ZBTB4: variants seen among roughly 807,000 people sequenced by gnomAD.
ZBTB4 encodes zinc finger and BTB domain containing 4, also known as zinc finger and BTB domain-containing protein 4.
Under a neutral mutation model 59.8 loss-of-function variants are expected in ZBTB4, and 14 were observed. The observed-to-expected ratio is 0.23, with a 90% CI of 0.15 to 0.37. The LOEUF (loss-of-function observed/expected upper bound fraction) is 0.37. Ranked by LOEUF, ZBTB4 falls within the 10% of genes least tolerant of loss-of-function variation. ZBTB4 has a pLI of 1.00. For missense variants in ZBTB4, 1,198 were observed against 1,380.8 expected (o/e 0.87, Z 2.10); for synonymous variants, 587 against 575.2 (o/e 1.02, Z -0.29).
chr17:7,483,047 G>C, upstream of ZBTB4: 3 of 1,569,300 alleles, frequency 1.9e-6, no homozygotes, highest in East Asian at 2.3e-5. Flanking sequence ...GGGATAAATA[G>C]AGGCAAAGAC....
chr17:7,463,081 T>C lies in ZBTB4; in HGVS notation c.1901A>G (p.Glu634Gly). ...RPGELSGEEM[E>G]ESEEDEEEED... ...CTCCTCTTCGTCCTCCTCACTCTCC[T>C]CCATCTCCTCTCCGCTCAGCTCCCC... The change falls in exon 4 of 4, where the codon GAG becomes GGG. Residue 634 changes from glutamate (E) to glycine (G), a missense_variant. Around this residue, in one of 9 missense-constraint regions of ZBTB4, gnomAD observed 550 missense variants for 541.8 expected, o/e 1.02. Coordinates refer to ENST00000380599, the MANE Select transcript of ZBTB4 (RefSeq NM_001128833.2). 1 of 1,610,924 alleles carries C rather than the reference T, an allele frequency of 6.2e-7. No homozygotes were observed. Among genetic ancestry groups the C allele is most frequent in the Non-Finnish European group, 8.5e-7 (1 of 1,179,418 alleles).
intron 3 of ZBTB4, 133 bp from the exon 4 acceptor site, chr17:7,464,023 G>C: frequency 2.1e-6 from 3 of 1,448,098 alleles, no homozygotes; most frequent in Non-Finnish European, 1.8e-6. Context: ...CCCTCACCAG[G>C]CCAGCCTCAG....
At chr17:7,464,874 C>T (rs1286465619) in intron 3 of ZBTB4, among the ~76,000 whole-genome samples, 1 of 147,576 alleles carries the variant, frequency 6.8e-6, no homozygotes, top group Non-Finnish European at 1.5e-5. Flanking sequence ...AAAAAAAATG[C>T]CGCCGGGCGC....
chr17:7,473,984 T>C (rs754295354), intron 1 of ZBTB4, among the ~76,000 whole-genome samples: 1 of 151,326 alleles, frequency 6.6e-6, no homozygotes, highest in Non-Finnish European at 1.5e-5. Context: ...ATGATCTCTC[T>C]CGGCTCACTG....
upstream of ZBTB4, chr17:7,483,997 C>T (rs2070380657): frequency 6.6e-6 from 1 of 151,758 alleles, no homozygotes; most frequent in African/African-American, 2.4e-5. Context: ...CGCCCCGCCG[C>T]CATTACCGAT....
intron 1 of ZBTB4, among the ~76,000 whole-genome samples, chr17:7,468,690 G>A (rs541569679): frequency 1.1e-3 from 160 of 152,270 alleles, no homozygotes; most frequent in Non-Finnish European, 1.3e-3. Flanking sequence ...TCCGTATGCC[G>A]TGGGCCACGT....
chr17:7,476,395 C>T (rs919945948), intron 1 of ZBTB4, among the ~76,000 whole-genome samples: 1 of 152,186 alleles, frequency 6.6e-6, no homozygotes, highest in African/African-American at 2.4e-5. Context: ...TACCCATAGT[C>T]CCAGCTACTC....
chr17:7,481,901 G>A, upstream of ZBTB4: 1 of 1,510,164 alleles, frequency 6.6e-7, no homozygotes, highest in South Asian at 1.3e-5. Context: ...GTCCCACAGG[G>A]TCCCAGACCC....
At chr17:7,471,183 A>G (rs1023127288) in intron 1 of ZBTB4, among the ~76,000 whole-genome samples, 1 of 136,316 alleles carries the variant, frequency 7.3e-6, no homozygotes, top group Admixed American at 7.2e-5. Flanking sequence ...GCCATTTATG[A>G]AAAAAATTTT....
At chr17:7,482,848 C>G, upstream of ZBTB4, 2 of 1,612,048 alleles carry the variant, frequency 1.2e-6, no homozygotes, top group Non-Finnish European at 1.7e-6. Context: ...TCCTGCATTC[C>G]GAGGTGGTGG....
At position 7,461,732 on chromosome 17, in the gene ZBTB4, TGA is replaced by T. The variant is rs1317802147; in HGVS notation, c.*206_*207del. Reference sequence around the variant, plus strand: ...TGGAGGCCATTCCCTGGAGGAAGACTGAGAGGGGAACCTCGAAAGATCCCTTC... The same window carrying T: ...TGGAGGCCATTCCCTGGAGGAAGACTGAGGGGAACCTCGAAAGATCCCTTC... On this transcript the variant is annotated 3_prime_UTR_variant, in exon 4 of 4. Transcript: ENST00000380599. 1 of 458,110 alleles carries T rather than the reference TGA, an allele frequency of 2.2e-6. No homozygotes were observed. 28.4% of individuals were successfully genotyped at this position (458,110 alleles called of 1,614,324 possible).
rs1400961708 is a variant in ZBTB4, at chr17:7,466,775, G to A, written c.27C>T (p.Asp9=). Reference sequence around the variant, plus strand: ...GCAGGACGGCGGGGGCATGGGACGGGTCCGTCACCTCTGCAGGGGGGGGCA... The same window carrying A: ...GCAGGACGGCGGGGGCATGGGACGGATCCGTCACCTCTGCAGGGGGGGGCA... MPPPAEVT[D]PSHAPAVLRQ... The change falls in exon 3 of 4, where the codon GAC becomes GAT. Residue 9 remains aspartate (D), a synonymous_variant. Coordinates refer to ENST00000380599, the MANE Select transcript of ZBTB4 (RefSeq NM_001128833.2). The surrounding 1 kb of genome is among the most constrained non-coding windows in gnomAD (Gnocchi z 9.1). 2 of 1,578,082 alleles carry A rather than the reference G, an allele frequency of 1.3e-6. No individual in the cohort carries two copies. The highest frequency in any genetic ancestry group is 1.3e-5 in the African/African-American group (1 of 74,718).
Position 7,463,472 on chromosome 17 carries a change from C to A in ZBTB4, c.1510G>T (p.Ala504Ser). 1 of 1,538,714 alleles carries A rather than the reference C, an allele frequency of 6.5e-7. No individual in the cohort carries two copies. The highest frequency in any genetic ancestry group is 8.8e-7 in the Non-Finnish European group (1 of 1,142,390). ...SGTASTGGSQ[A>S]ASVITYTAPP... The stretch of plus-strand genomic sequence containing the variant: ...GCAGTGTAAGTGATAACCGAGGCAG[C>A]TTGGGACCCTCCTGTGCTGGCCGTC... The change falls in exon 4 of 4, where the codon GCT becomes TCT. Residue 504 changes from alanine (A) to serine (S), a missense_variant. Transcript: ENST00000380599.
chr17:7,472,150 C>T (rs2070206025), intron 1 of ZBTB4, among the ~76,000 whole-genome samples: 1 of 152,164 alleles, frequency 6.6e-6, no homozygotes, highest in Admixed American at 6.5e-5. Flanking sequence ...CTTCCTATCT[C>T]CCGACCCTAC....
upstream of ZBTB4, chr17:7,482,564 G>T (rs1442567222): frequency 6.2e-7 from 1 of 1,612,370 alleles, no homozygotes; most frequent in Non-Finnish European, 8.5e-7. Flanking sequence ...CCTGGGCTAT[G>T]GGCAGGCTTT....
upstream of ZBTB4, among the ~76,000 whole-genome samples, chr17:7,483,842 T>C (rs1448096987): frequency 6.6e-6 from 1 of 152,196 alleles, no homozygotes; most frequent in African/African-American, 2.4e-5. Context: ...GGCCAGGAGA[T>C]GCCCACCCGT....
In ZBTB4 at chr17:7,463,486, G is replaced by T; in HGVS notation, c.1496C>A (p.Thr499Lys). ...AACCGAGGCAGCTTGGGACCCTCCT[G>T]TGCTGGCCGTCCCACTCCCCCCTCC... ...SGGGGSGTASTGGSQAASVIT... is the reference protein window; with the variant it reads ...SGGGGSGTASKGGSQAASVIT... The change falls in exon 4 of 4, where the codon ACA becomes AAA. Residue 499 changes from threonine (T) to lysine (K), a missense_variant. Coordinates refer to ENST00000380599, the MANE Select transcript of ZBTB4 (RefSeq NM_001128833.2). 1 of 1,543,958 alleles carries T rather than the reference G, an allele frequency of 6.5e-7. No individual in the cohort carries two copies. The highest frequency in any genetic ancestry group is 1.2e-5 in the South Asian group (1 of 80,470).
rs954377298 is a variant in ZBTB4, at chr17:7,460,170, C to T, written c.*1770G>A. ...CCTTTCCCCCCCTTAAAAATTGGAA[C>T]TTGGTACATTCAGTAGGAAATTCGT... On this transcript the variant is annotated 3_prime_UTR_variant, in exon 4 of 4. Coordinates refer to ENST00000380599, the MANE Select transcript of ZBTB4 (RefSeq NM_001128833.2). 6.6e-6 allele frequency: 1 copy of T among 151,884 alleles called. No individual in the cohort carries two copies. Among genetic ancestry groups the T allele is most frequent in the African/African-American group, 2.4e-5 (1 of 41,144 alleles). 9.4% of individuals were successfully genotyped at this position (151,884 alleles called of 1,614,324 possible). A position where few individuals can be genotyped will look rare whatever the true frequency, so the allele number is the denominator to read the frequency against.
chr17:7,462,106 C>T lies in ZBTB4; in HGVS notation c.2876G>A (p.Gly959Glu), dbSNP rs1370171693. The change falls in exon 4 of 4, where the codon GGG becomes GAG. Residue 959 changes from glycine (G) to glutamate (E), a missense_variant. Gly to Glu is a moderately conservative substitution (Grantham distance 98). This residue lies in a region of ZBTB4 where 211 missense variants were observed against 236.1 expected (regional missense o/e 0.89). Coordinates refer to ENST00000380599, the MANE Select transcript of ZBTB4 (RefSeq NM_001128833.2). The surrounding 1 kb of genome is among the most constrained non-coding windows in gnomAD (Gnocchi z 7.5). ...NMVLPDEKGAGALPFLPGVFG... is the reference protein window; with the variant it reads ...NMVLPDEKGAEALPFLPGVFG... ...GACCCCTGGTAGGAAGGGAAGGGCC[C>T]CCGCACCCTTCTCATCAGGTAGGAC... is the stretch of plus-strand genomic sequence containing the variant. The T allele has an allele frequency of 6.2e-7, 1 of 1,610,800 alleles. No homozygotes were observed. The highest frequency in any genetic ancestry group is 1.1e-5 in the South Asian group (1 of 90,592).
Sources: allele counts gnomAD v4.1 joint callset (sites outside exome capture counted in the v4.1 genomes callset), GRCh38; gene constraint gnomAD v4.1.1; regional missense constraint gnomAD v4.1.1; non-coding constraint Gnocchi (gnomAD v3.1); transcripts MANE v1.5; gene names NCBI Gene and HGNC (gene_info 2026-07-23, HGNC 2026-07-21).